TMEM116: variants seen among roughly 807,000 people sequenced by gnomAD.
TMEM116 encodes transmembrane protein 116.
In TMEM116, 38 loss-of-function variants were observed where a neutral mutation model predicts 44.3. The observed-to-expected ratio is 0.86, with a 90% CI of 0.66 to 1.12. The LOEUF is 1.12. TMEM116 is among the 50% of genes most tolerant of loss of function. The pLI, the probability that TMEM116 is intolerant of heterozygous loss-of-function variation, is 0.00. For missense variants in TMEM116, 354 were observed against 401.7 expected, an observed-to-expected ratio of 0.88 and a Z score of 1.01; for synonymous variants, 132 against 144.8, an observed-to-expected ratio of 0.91 and a Z score of 0.64.
chr12:111,941,340 C>A (rs936110151), intron 5 of TMEM116, among the ~76,000 whole-genome samples: 1 of 147,590 alleles, frequency 6.8e-6, no homozygotes, highest in Non-Finnish European at 1.5e-5. Context: ...TGTGCCACTG[C>A]ACTTCAGCCT....
chr12:112,000,743 A>T, intron 3 of TMEM116: 1 of 537,564 alleles, frequency 1.9e-6, no homozygotes, highest in South Asian at 1.4e-5. Flanking sequence ...ATATTCATCC[A>T]AATAATAAAA....
At chr12:111,993,034 ATGTGCC>A in intron 3 of TMEM116, 1 of 170,594 alleles carries the variant, frequency 5.9e-6, no homozygotes, top group Non-Finnish European at 1.3e-5. Flanking sequence ...AACTCCTTCA[ATGTGCC>A]ACACCTGCAG....
At chr12:111,981,964 T>C (rs2075966441) in intron 4 of TMEM116, among the ~76,000 whole-genome samples, 1 of 152,078 alleles carries the variant, frequency 6.6e-6, no homozygotes, top group Non-Finnish European at 1.5e-5. Flanking sequence ...TTCACTTATG[T>C]GTGAAATTAT....
intron 5 of TMEM116, among the ~76,000 whole-genome samples, chr12:111,940,567 G>GTATATATATATATATATATATATA (rs138347540): frequency 2.3e-5 from 3 of 130,208 alleles, no homozygotes; most frequent in African/African-American, 9.1e-5. Context: ...ATATATGTGT[G>GTATATATATATATATATATATATA]TATATATATA....
At chr12:111,968,961 C>T (rs1294610204) in intron 4 of TMEM116, among the ~76,000 whole-genome samples, 1 of 142,790 alleles carries the variant, frequency 7.0e-6, no homozygotes. Flanking sequence ...TCACTGCACT[C>T]CAACCTGGGC....
intron 3 of TMEM116, chr12:111,993,776 T>C (rs960389231): frequency 3.2e-5 from 23 of 720,448 alleles, no homozygotes; most frequent in African/African-American, 3.1e-4. Context: ...GTTGTAACAT[T>C]TGTAGCAGGT....
chr12:111,979,789 G>A (rs890918257), intron 4 of TMEM116, among the ~76,000 whole-genome samples: 4 of 152,034 alleles, frequency 2.6e-5, no homozygotes, highest in African/African-American at 9.7e-5. Context: ...CAAAATATTT[G>A]GATATGTCAC....
chr12:111,996,060 AAAT>A (rs1417698736), intron 3 of TMEM116, among the ~76,000 whole-genome samples: 1 of 151,500 alleles, frequency 6.6e-6, no homozygotes, highest in African/African-American at 2.4e-5. Flanking sequence ...AAAAAAAAAA[AAAT>A]CTATTCCAAG....
chr12:111,979,436 TAGAAACAGAAGGAAAAC>T (rs1181943059), intron 4 of TMEM116, among the ~76,000 whole-genome samples: 2 of 152,082 alleles, frequency 1.3e-5, no homozygotes, highest in African/African-American at 4.8e-5. Flanking sequence ...ACCTAGAATA[TAGAAACAGAAGGAAAAC>T]AGAAAGCAGA....
rs1055646925 is a variant in TMEM116 at position 111,934,047 on chromosome 12, C to A, written c.589-17G>T. On this transcript the variant is annotated splice_polypyrimidine_tract_variant and intron_variant, in intron 8 of 10. Transcript: ENST00000552374. ...AAGTAAGACCTAAATATGAGTACAG[C>A]AGTGAGCAGTTTGCTTAAAGCTTAG... The A allele has an allele frequency of 2.5e-6, 4 of 1,613,504 alleles. No individual in the cohort carries two copies. Among genetic ancestry groups the A allele is most frequent in the Non-Finnish European group, 2.5e-6 (3 of 1,179,688 alleles).
intron 8 of TMEM116, chr12:111,936,401 G>T: frequency 3.9e-6 from 1 of 256,584 alleles, no homozygotes; most frequent in East Asian, 7.4e-5. Flanking sequence ...GGATATATTT[G>T]GCACATATGA....
chr12:111,945,734 G>A (rs1267486082), intron 4 of TMEM116, among the ~76,000 whole-genome samples: 1 of 152,162 alleles, frequency 6.6e-6, no homozygotes, highest in Non-Finnish European at 1.5e-5. Context: ...GAAGACAAAT[G>A]AGAACCTTCT....
At chr12:112,007,805 TTC>T (rs1334762996) in intron 1 of TMEM116, among the ~76,000 whole-genome samples, 3 of 152,222 alleles carry the variant, frequency 2.0e-5, no homozygotes, top group African/African-American at 7.2e-5. Context: ...TGAATAACTT[TTC>T]TCTTTGGTGT....
At chr12:111,956,510 C>G (rs1461660533) in intron 4 of TMEM116, among the ~76,000 whole-genome samples, 1 of 152,166 alleles carries the variant, frequency 6.6e-6, no homozygotes, top group Admixed American at 6.5e-5. Context: ...CCCTCTCCCT[C>G]TCCCCTTTGC....
chr12:111,958,336 G>A (rs528894870), intron 4 of TMEM116, among the ~76,000 whole-genome samples: 2 of 122,476 alleles, frequency 1.6e-5, no homozygotes, highest in African/African-American at 3.2e-5. Flanking sequence ...GACCCCATCC[G>A]AAGGTCACCA....
intron 3 of TMEM116, chr12:111,993,346 C>A: frequency 1.9e-6 from 1 of 513,858 alleles, no homozygotes; most frequent in Non-Finnish European, 3.9e-6. Context: ...CATTCTTTGG[C>A]TAAAGGACAG....
chr12:111,991,595 C>A, intron 4 of TMEM116, 163 bp downstream of exon 4: 1 of 510,584 alleles, frequency 2.0e-6, no homozygotes, highest in Non-Finnish European at 2.9e-6. Context: ...TCAAAATATT[C>A]TATAATATAG....
chr12:111,934,079 G>A, intron 8 of TMEM116, 49 bp from the exon 9 acceptor site: 1 of 1,595,700 alleles, frequency 6.3e-7, no homozygotes, highest in Non-Finnish European at 8.6e-7. Context: ...TTAGTAAAAT[G>A]CCCCAGGTCT....
In TMEM116 at chr12:111,996,693, CAT is replaced by C. The variant is rs1247105517; in HGVS notation, c.79-4806_79-4805del. ...GCTTATGCATTTGCGCACCAGAAAA[CAT>C]GTACAAGAATGCTTATAGCAGCATA... On this transcript the variant is annotated intron_variant, in intron 3 of 10. Transcript: ENST00000552374. 1.6e-4 allele frequency among the ~76,000 whole-genome samples: 24 copies of C among 152,052 alleles called. No individual in the cohort carries two copies. In the East Asian group the frequency reaches 3.9e-3, roughly 24 times the overall value.
Sources: allele counts gnomAD v4.1 joint callset (sites outside exome capture counted in the v4.1 genomes callset), GRCh38; gene constraint gnomAD v4.1.1; transcripts MANE v1.5; gene names NCBI Gene and HGNC (gene_info 2026-07-23, HGNC 2026-07-21).